The following STK33 variants were observed in gnomAD, a reference collection of about 807,000 sequenced individuals.
STK33 encodes the protein serine/threonine-protein kinase 33.
A neutral mutation model predicts 58.0 loss-of-function variants in STK33; 52 were observed. The ratio of observed to expected loss-of-function variants is 0.90; its 90% CI spans 0.72 to 1.13. The LOEUF is 1.13. STK33 is among the 50% of genes most tolerant of loss of function. STK33 has a pLI of 0.00. For synonymous variants in STK33, 215 were observed against 200.1 expected (o/e 1.07, Z -0.63); for missense variants, 630 against 604.2 (o/e 1.04, Z -0.45).
intron 15 of STK33, among the ~76,000 whole-genome samples, chr11:8,411,515 A>T (rs1940241179): frequency 1.3e-5 from 2 of 152,212 alleles, no homozygotes; most frequent in South Asian, 4.1e-4. Context: ...TAGTTTTCCA[A>T]GAGCTCTGCC....
chr11:8,423,359 C>T (rs6578963), intron 14 of STK33, among the ~76,000 whole-genome samples: 151,271 of 152,044 alleles, frequency 0.99, 75,253 homozygotes, highest in East Asian at 1. Flanking sequence ...ATTTCTCCTT[C>T]TCTAATATAA....
chr11:8,413,799 A>G, intron 14 of STK33, 107 bp from the exon 15 acceptor site: 1 of 969,338 alleles, frequency 1.0e-6, no homozygotes, highest in African/African-American at 1.6e-5. Context: ...AGTCACATGG[A>G]AAAGATTATA....
chr11:8,505,680 G>A (rs552689550), intron 1 of STK33, among the ~76,000 whole-genome samples: 12 of 152,294 alleles, frequency 7.9e-5, no homozygotes, highest in African/African-American at 1.9e-4. Context: ...GACCGTAAGC[G>A]CTAAGGACAG....
chr11:8,521,248 A>G (rs1226075940), intron 1 of STK33, among the ~76,000 whole-genome samples: 1 of 152,144 alleles, frequency 6.6e-6, no homozygotes, highest in Admixed American at 6.5e-5. Context: ...ACAGTAACCA[A>G]AACAGCATGG....
At chr11:8,563,915 C>A (rs1461471178) in intron 1 of STK33, among the ~76,000 whole-genome samples, 1 of 151,954 alleles carries the variant, frequency 6.6e-6, no homozygotes, top group Non-Finnish European at 1.5e-5. Context: ...TTAAAAGGGA[C>A]CAGTATGGCT....
At chr11:8,491,733 T>C (rs1345801454) in intron 1 of STK33, among the ~76,000 whole-genome samples, 1 of 152,176 alleles carries the variant, frequency 6.6e-6, no homozygotes, top group Non-Finnish European at 1.5e-5. Flanking sequence ...CCCATCAGAC[T>C]AACAGCAGAT....
At chr11:8,550,269 T>A (rs1956217664) in intron 1 of STK33, among the ~76,000 whole-genome samples, 1 of 152,090 alleles carries the variant, frequency 6.6e-6, no homozygotes, top group Admixed American at 6.6e-5. Flanking sequence ...AGTTTCAGGG[T>A]GATCTTTTGT....
At chr11:8,438,584 C>T (rs1166332872) in intron 12 of STK33, among the ~76,000 whole-genome samples, 1 of 152,082 alleles carries the variant, frequency 6.6e-6, no homozygotes, top group African/African-American at 2.4e-5. Context: ...GAGAAGACAA[C>T]ATTATTATGG....
intron 1 of STK33, among the ~76,000 whole-genome samples, chr11:8,489,276 A>G (rs972316512): frequency 2.7e-5 from 4 of 150,822 alleles, no homozygotes; most frequent in African/African-American, 9.7e-5. Flanking sequence ...AAAAAAGAAA[A>G]AAAAAAAGAA....
At chr11:8,362,359 T>G in the STK33 span, among the ~76,000 whole-genome samples, 7 of 152,212 alleles carry the variant, frequency 4.6e-5, no homozygotes, top group Non-Finnish European at 7.3e-5. Context: ...GGAATTTCAT[T>G]TGGCGCCCGG....
intron 6 of STK33, among the ~76,000 whole-genome samples, chr11:8,468,062 G>A (rs192663615): frequency 3.9e-5 from 6 of 152,276 alleles, no homozygotes; most frequent in Admixed American, 3.9e-4. Flanking sequence ...ACCCGAGACT[G>A]GGCAATTTAC....
the STK33 span, among the ~76,000 whole-genome samples, chr11:8,364,039 G>A: frequency 1.3e-5 from 2 of 152,152 alleles, no homozygotes; most frequent in East Asian, 3.9e-4. Flanking sequence ...CCTCCTTTGT[G>A]TTTTCAATGT....
chr11:8,435,978 T>C (rs1471469466), intron 13 of STK33, 49 bp downstream of exon 13: 1 of 1,148,304 alleles, frequency 8.7e-7, no homozygotes. Flanking sequence ...GCCAACTTTC[T>C]TATGTTACTT....
At chr11:8,560,800 T>C (rs1591800376) in intron 1 of STK33, among the ~76,000 whole-genome samples, 1 of 152,160 alleles carries the variant, frequency 6.6e-6, no homozygotes, top group African/African-American at 2.4e-5. Context: ...AGTAGTATCA[T>C]TACCTCCAAG....
chr11:8,524,874 T>C (rs1018448985), intron 1 of STK33, among the ~76,000 whole-genome samples: 4 of 151,848 alleles, frequency 2.6e-5, no homozygotes, highest in South Asian at 2.1e-4. Flanking sequence ...ATAATAAAGA[T>C]GCCAAGAGGA....
At chr11:8,402,959 T>C (rs1015190675) in intron 15 of STK33, among the ~76,000 whole-genome samples, 3 of 152,164 alleles carry the variant, frequency 2.0e-5, no homozygotes, top group Non-Finnish European at 4.4e-5. Context: ...TTGTAAGTAA[T>C]AGAACAGAGA....
At chr11:8,551,204 A>G (rs1956277159) in intron 1 of STK33, among the ~76,000 whole-genome samples, 1 of 151,948 alleles carries the variant, frequency 6.6e-6, no homozygotes, top group South Asian at 2.1e-4. Flanking sequence ...ATCTTGGCTC[A>G]CTGCAACCTT....
chr11:8,536,926 C>T (rs1955052519), intron 1 of STK33, among the ~76,000 whole-genome samples: 1 of 117,446 alleles, frequency 8.5e-6, no homozygotes, highest in Non-Finnish European at 1.6e-5. Flanking sequence ...GGACTATAGG[C>T]ATGCACTGCC....
At chr11:8,554,418 C>CAAAAA (rs35967209) in intron 1 of STK33, among the ~76,000 whole-genome samples, 2 of 58,744 alleles carry the variant, frequency 3.4e-5, no homozygotes, top group Non-Finnish European at 7.3e-5. Context: ...GACTCCATCT[C>CAAAAA]AAAAAAAAAA....
Sources: gnomAD v4.1 joint callset for allele counts (sites outside exome capture counted in the v4.1 genomes callset) on GRCh38, gnomAD v4.1.1 for gene constraint, MANE v1.5 for transcripts, NCBI Gene and HGNC (gene_info 2026-07-23, HGNC 2026-07-21) for gene names.